The following TLE1 variants were observed in gnomAD, a reference collection of about 807,000 sequenced individuals.
TLE1 encodes the protein transducin-like enhancer protein 1.
Under a neutral mutation model 89.8 loss-of-function variants are expected in TLE1, and 21 were observed. That is an observed-to-expected ratio of 0.23 (90% confidence interval 0.17 to 0.34). The LOEUF (loss-of-function observed/expected upper bound fraction) is 0.34. TLE1 is among the 10% of genes least tolerant of loss of function. The probability of loss-of-function intolerance (pLI) is 1.00; values close to 1 mark genes in which losing one functional copy is unlikely to be tolerated. For missense variants in TLE1, 795 were observed against 1,031.2 expected (o/e 0.77, Z 3.14); for synonymous variants, 447 against 407.6 (o/e 1.10, Z -1.16).
At position 81,682,094 on chromosome 9, in the gene TLE1, G is replaced by GA. The variant is rs1221338002; in HGVS notation, c.234+3581dup. On this transcript the variant is annotated intron_variant, in intron 4 of 19. Coordinates refer to ENST00000376499, the MANE Select transcript of TLE1 (RefSeq NM_005077.5). ...AACCCTCTCTCTACTACAAAAAAAA[G>GA]AAAAAAAAAGTTAGCCGGGCATGGT... Among the ~76,000 whole-genome samples the GA allele has an allele frequency of 4.0e-5, 6 of 150,588 alleles. No individual in the cohort carries two copies. The East Asian group carries it at 8.0e-4, about 20-fold the overall frequency.
intron 4 of TLE1, among the ~76,000 whole-genome samples, chr9:81,667,088 C>T (rs1174799953): frequency 6.6e-6 from 1 of 152,120 alleles, no homozygotes; most frequent in Non-Finnish European, 1.5e-5. Context: ...AGCCACTGCA[C>T]TCCAGCCTGG....
intron 4 of TLE1, among the ~76,000 whole-genome samples, chr9:81,682,793 C>T (rs896900394): frequency 6.6e-6 from 1 of 152,106 alleles, no homozygotes; most frequent in Non-Finnish European, 1.5e-5. Context: ...CTAGAGTTTA[C>T]CATCCACACA....
chr9:81,657,566 G>A (rs1830288332), intron 4 of TLE1, among the ~76,000 whole-genome samples: 3 of 152,152 alleles, frequency 2.0e-5, no homozygotes, highest in Admixed American at 2.0e-4. Context: ...CAGTCTGAAT[G>A]AAATGAACTT....
Position 81,600,628 on chromosome 9 carries a change from C to CA in TLE1, c.1332-7355dup, listed in dbSNP as rs35107385. Among the ~76,000 whole-genome samples the CA allele has an allele frequency of 5.8e-3, 793 of 135,748 alleles. 6 individuals are homozygous for CA. The highest frequency in any genetic ancestry group is 0.031 in the Middle Eastern group (8 of 256). The allele number at this position is 135,748 out of a possible 152,430, so 89.1% of individuals were successfully genotyped here. ...ATGTTATTTTTAGCATTTAATAGACCAAAAAAAAAAAAAAAAACCTACCCA... is the reference window on the plus strand; with the variant it reads ...ATGTTATTTTTAGCATTTAATAGACCAAAAAAAAAAAAAAAAAACCTACCCA... On this transcript the variant is annotated intron_variant, in intron 14 of 19. Transcript: ENST00000376499.
intron 9 of TLE1, among the ~76,000 whole-genome samples, 160 bp downstream of exon 9, chr9:81,620,281 C>T (rs1337400668): frequency 6.6e-6 from 1 of 152,172 alleles, no homozygotes; most frequent in Non-Finnish European, 1.5e-5. Flanking sequence ...GCATAATTTA[C>T]AGCCCCAAAG....
chr9:81,628,405 T>C (rs929677891), intron 8 of TLE1, among the ~76,000 whole-genome samples: 3 of 152,186 alleles, frequency 2.0e-5, no homozygotes, highest in Admixed American at 6.5e-5. Flanking sequence ...ATGGTTCCCA[T>C]AGGCCTCCGG....
intron 4 of TLE1, among the ~76,000 whole-genome samples, chr9:81,685,471 C>T (rs980357565): frequency 2.6e-5 from 4 of 152,164 alleles, no homozygotes; most frequent in Non-Finnish European, 5.9e-5. Flanking sequence ...ACACCTCTCC[C>T]TCTCCTAGTC....
chr9:81,669,795 C>G (rs965463265), intron 4 of TLE1, among the ~76,000 whole-genome samples: 2 of 152,150 alleles, frequency 1.3e-5, no homozygotes, highest in African/African-American at 2.4e-5. Context: ...ATCATTTAAG[C>G]CATAGAATAA....
intron 14 of TLE1, among the ~76,000 whole-genome samples, chr9:81,603,402 C>A (rs925617198): frequency 6.6e-6 from 1 of 152,128 alleles, no homozygotes; most frequent in African/African-American, 2.4e-5. Flanking sequence ...GCTGAAAACA[C>A]TTGAGAAATG....
intron 4 of TLE1, among the ~76,000 whole-genome samples, chr9:81,675,708 G>GTTTTTTTTTTTTTTTTTTTT (rs61458315): frequency 7.6e-6 from 1 of 132,440 alleles, no homozygotes; most frequent in African/African-American, 3.0e-5. Flanking sequence ...GTTTTTTTTT[G>GTTTTTTTTTTTTTTTTTTTT]TTTTTTTTTT....
At chr9:81,641,912 C>T (rs897352507) in intron 6 of TLE1, among the ~76,000 whole-genome samples, 23 of 152,240 alleles carry the variant, frequency 1.5e-4, no homozygotes, top group Admixed American at 1.0e-3. Context: ...ATCCCAGCTA[C>T]TCAGGAGGTT....
intron 16 of TLE1, 72 bp downstream of exon 16, chr9:81,590,733 A>C: frequency 6.4e-7 from 1 of 1,562,156 alleles, no homozygotes; most frequent in Non-Finnish European, 8.7e-7. Context: ...GCAGGCAGCC[A>C]GAGAGAAGCA....
chr9:81,668,230 T>A (rs1564058990), intron 4 of TLE1, among the ~76,000 whole-genome samples: 1 of 151,440 alleles, frequency 6.6e-6, no homozygotes, highest in Non-Finnish European at 1.5e-5. Flanking sequence ...AGGGTAGGGA[T>A]TAAAATTTGG....
At chr9:81,645,675 G>T (rs544573599) in intron 6 of TLE1, among the ~76,000 whole-genome samples, 1 of 151,472 alleles carries the variant, frequency 6.6e-6, no homozygotes, top group Non-Finnish European at 1.5e-5. Flanking sequence ...GGGAGGCAGA[G>T]GCTGTGGTGA....
chr9:81,612,680 G>A (rs569396727), intron 12 of TLE1, among the ~76,000 whole-genome samples: 13 of 152,254 alleles, frequency 8.5e-5, no homozygotes, highest in East Asian at 1.9e-4. Flanking sequence ...AAAGTCAGAC[G>A]CACAATGCTA....
At chr9:81,594,359 A>G (rs939038979) in intron 14 of TLE1, among the ~76,000 whole-genome samples, 37 of 151,530 alleles carry the variant, frequency 2.4e-4, no homozygotes, top group African/African-American at 6.3e-4. Context: ...CATAAAAAAA[A>G]GGATGAGTTC....
chr9:81,617,843 G>A (rs184149535), intron 9 of TLE1, among the ~76,000 whole-genome samples: 2 of 152,190 alleles, frequency 1.3e-5, no homozygotes. Context: ...GGACAACATG[G>A]TGAAACCCCG....
chr9:81,613,906 CTTTTT>C (rs761514885), intron 11 of TLE1, among the ~76,000 whole-genome samples: 8 of 89,926 alleles, frequency 8.9e-5, no homozygotes, highest in Non-Finnish European at 1.3e-4. Flanking sequence ...CTTTTCTTTT[CTTTTT>C]TTTTTTTTTT....
intron 6 of TLE1, 146 bp downstream of exon 6, chr9:81,652,068 T>C (rs887754294): frequency 1.9e-5 from 14 of 738,200 alleles, no homozygotes; most frequent in Middle Eastern, 3.0e-4. Context: ...TCTCTTCCTC[T>C]CCTCCTCCCA....
Sources: allele counts gnomAD v4.1 joint callset (sites outside exome capture counted in the v4.1 genomes callset), GRCh38; gene constraint gnomAD v4.1.1; transcripts MANE v1.5; gene names NCBI Gene and HGNC (gene_info 2026-07-23, HGNC 2026-07-21).